DAB1: variants seen among roughly 807,000 people sequenced by gnomAD.
DAB1 encodes disabled homolog 1.
In DAB1, 15 loss-of-function variants were observed where a neutral mutation model predicts 64.6. The ratio of observed to expected loss-of-function variants is 0.23; its 90% CI spans 0.16 to 0.36. The LOEUF (loss-of-function observed/expected upper bound fraction) is 0.36, where lower values mean the gene tolerates loss of function less well. Among genes scored for constraint, DAB1 ranks in the 10% least tolerant of loss-of-function variants. DAB1 has a pLI of 1.00. For synonymous variants in DAB1, 235 were observed against 251.9 expected, an observed-to-expected ratio of 0.93 and a Z score of 0.64; for missense variants, 596 against 706.7, an observed-to-expected ratio of 0.84 and a Z score of 1.78.
intron 2 of DAB1, among the ~76,000 whole-genome samples, chr1:57,175,930 A>G (rs1238123502): frequency 2.0e-5 from 3 of 152,190 alleles, no homozygotes; most frequent in Non-Finnish European, 4.4e-5. Context: ...GGTTAAAAGC[A>G]TTATAGCATA....
chr1:58,180,282 T>C, intron 4 of DAB1, among the ~76,000 whole-genome samples: 1 of 30,160 alleles, frequency 3.3e-5, no homozygotes, highest in African/African-American at 7.6e-5. Flanking sequence ...TTTTCTTTTC[T>C]TTTTTTTTTT....
intron 4 of DAB1, among the ~76,000 whole-genome samples, chr1:57,078,856 T>C (rs141473263): frequency 6.6e-6 from 1 of 152,330 alleles, no homozygotes; most frequent in East Asian, 1.9e-4. Flanking sequence ...AAGAATGTAA[T>C]ATCTGGGCAA....
At chr1:57,745,913 T>C (rs1233478154) in intron 6 of DAB1, among the ~76,000 whole-genome samples, 1 of 152,238 alleles carries the variant, frequency 6.6e-6, no homozygotes, top group Non-Finnish European at 1.5e-5. Flanking sequence ...AAGTTGTTGA[T>C]TTATCTTTAT....
In DAB1 at chr1:58,375,371, T is replaced by C. The variant is rs919812187; in HGVS notation, n.258-31968A>G. ...ATACATCCCATCAATACCTAATTTA[T>C]TGAGAGTTTTTAGCATGAAGGGTTG... On this transcript the variant is annotated intron_variant and non_coding_transcript_variant, in intron 3 of 20. Coordinates refer to the DAB1 transcript ENST00000485760. 4.3e-5 allele frequency among the ~76,000 whole-genome samples: 6 copies of C among 139,482 alleles called. No homozygotes were observed. The Admixed American group carries it at 4.3e-4, about 10-fold the overall frequency. 91.5% of individuals were successfully genotyped at this position (139,482 alleles called of 152,430 possible). A position where few individuals can be genotyped will look rare whatever the true frequency, so the allele number is the denominator to read the frequency against.
At chr1:57,184,989 C>T (rs1179755515) in intron 2 of DAB1, among the ~76,000 whole-genome samples, 1 of 152,106 alleles carries the variant, frequency 6.6e-6, no homozygotes, top group East Asian at 1.9e-4. Flanking sequence ...CATTCGTAAA[C>T]TCACTGACTC....
chr1:57,183,279 C>T (rs1663174846), intron 2 of DAB1, among the ~76,000 whole-genome samples: 2 of 152,068 alleles, frequency 1.3e-5, no homozygotes, highest in East Asian at 1.9e-4. Flanking sequence ...GACCATATCA[C>T]AAGGCAGAGA....
At chr1:57,853,568 A>G (rs1653626118) in intron 1 of DAB1, among the ~76,000 whole-genome samples, 1 of 144,272 alleles carries the variant, frequency 6.9e-6, no homozygotes, top group South Asian at 2.1e-4. Flanking sequence ...GATGCTCAAC[A>G]TGTGTTTAAA....
intron 5 of DAB1, among the ~76,000 whole-genome samples, chr1:57,904,369 G>T (rs1453354909): frequency 6.6e-6 from 1 of 152,114 alleles, no homozygotes; most frequent in African/African-American, 2.4e-5. Context: ...TCATTCACCA[G>T]CTGGTTTGTG....
chr1:58,473,817 G>T, intron 3 of DAB1: 1 of 573,664 alleles, frequency 1.7e-6, no homozygotes, highest in Non-Finnish European at 3.1e-6. Context: ...TCTGAGCACC[G>T]CCAAGCACAC....
intron 1 of DAB1, among the ~76,000 whole-genome samples, chr1:58,532,089 G>C (rs1569963983): frequency 6.6e-6 from 1 of 152,002 alleles, no homozygotes; most frequent in South Asian, 2.1e-4. Context: ...TGTTATTAAA[G>C]AATATAATTG....
intron 1 of DAB1, among the ~76,000 whole-genome samples, chr1:57,413,826 T>A (rs1292505845): frequency 6.6e-6 from 1 of 150,816 alleles, no homozygotes; most frequent in Non-Finnish European, 1.5e-5. Flanking sequence ...AGTCTAAATA[T>A]CAACATTAAT....
chr1:57,509,506 T>C (rs1044124270), intron 7 of DAB1, among the ~76,000 whole-genome samples: 25 of 152,092 alleles, frequency 1.6e-4, no homozygotes, highest in African/African-American at 5.6e-4. Context: ...AGACAACCAC[T>C]CACACCTTCT....
At chr1:57,450,280 AAAG>A (rs1322864390) in intron 7 of DAB1, among the ~76,000 whole-genome samples, 1 of 152,334 alleles carries the variant, frequency 6.6e-6, no homozygotes, top group East Asian at 1.9e-4. Flanking sequence ...GCAGAGGGGC[AAAG>A]AAGAGGGTAC....
chr1:58,019,469 C>G (rs1214132964), intron 5 of DAB1, among the ~76,000 whole-genome samples: 1 of 152,146 alleles, frequency 6.6e-6, no homozygotes, highest in Admixed American at 6.5e-5. Context: ...AATAAACTAA[C>G]AATTATTGCC....
intron 3 of DAB1, among the ~76,000 whole-genome samples, chr1:58,395,779 A>T (rs1455892193): frequency 6.6e-6 from 1 of 152,204 alleles, no homozygotes; most frequent in Non-Finnish European, 1.5e-5. Context: ...TGCCACACAC[A>T]CTTATTAAGC....
In DAB1 at chr1:57,136,610, T is replaced by C; in HGVS notation, c.239A>G (p.Glu80Gly). ...GVVAGARSKG[E>G]HKQKIFLTIS... ...GGTTAAAAAGATTTTCTGTTTGTGT[T>C]CTCCTTTGGAACGAGCGCCAGCAAC... The change falls in exon 4 of 15, where the codon GAA becomes GGA. Residue 80 changes from glutamate to glycine, a missense_variant. Around this residue, in one of 3 missense-constraint regions of DAB1, gnomAD observed 176 missense variants for 266.7 expected, o/e 0.66. Coordinates refer to ENST00000371236, the MANE Select transcript of DAB1 (RefSeq NM_001365792.1). 1 of 1,548,440 alleles carries C rather than the reference T, an allele frequency of 6.5e-7. No individual in the cohort carries two copies. Among genetic ancestry groups the C allele is most frequent in the Non-Finnish European group, 8.8e-7 (1 of 1,133,760 alleles).
intron 6 of DAB1, among the ~76,000 whole-genome samples, chr1:57,740,492 C>T (rs900498852): frequency 6.6e-6 from 1 of 152,196 alleles, no homozygotes; most frequent in African/African-American, 2.4e-5. Flanking sequence ...AAGTGCCTAG[C>T]ACTTGGCAAA....
chr1:57,131,763 A>G (rs1006746418), intron 4 of DAB1, among the ~76,000 whole-genome samples: 13 of 152,168 alleles, frequency 8.5e-5, no homozygotes, highest in African/African-American at 2.7e-4. Flanking sequence ...ATTTTGAGGG[A>G]CAATATTGAA....
intron 6 of DAB1, among the ~76,000 whole-genome samples, chr1:57,716,102 G>A (rs1647080847): frequency 1.3e-5 from 2 of 152,184 alleles, no homozygotes; most frequent in Admixed American, 1.3e-4. Context: ...TAGAGATGGG[G>A]TTTCACCATG....
Sources: allele counts gnomAD v4.1 joint callset (sites outside exome capture counted in the v4.1 genomes callset), GRCh38; gene constraint gnomAD v4.1.1; regional missense constraint gnomAD v4.1.1; transcripts MANE v1.5; gene names NCBI Gene and HGNC (gene_info 2026-07-23, HGNC 2026-07-21).